RAB3C: variants seen among roughly 807,000 people sequenced by gnomAD.
The protein encoded by RAB3C is RAB3C, member RAS oncogene family.
Under a neutral mutation model 26.4 loss-of-function variants are expected in RAB3C, and 17 were observed. The ratio of observed to expected loss-of-function variants is 0.64; its 90% CI spans 0.44 to 0.97. The LOEUF (loss-of-function observed/expected upper bound fraction) is 0.97. RAB3C is among the 50% of genes least tolerant of loss of function. The probability of loss-of-function intolerance (pLI) is 0.00; values close to 1 mark genes in which losing one functional copy is unlikely to be tolerated. For synonymous variants in RAB3C, 91 were observed against 95.9 expected, an observed-to-expected ratio of 0.95 and a Z score of 0.30; for missense variants, 242 against 281.9, an observed-to-expected ratio of 0.86 and a Z score of 1.01.
chr5:58,822,665 TAACA>T, intron 3 of RAB3C: 1 of 408,932 alleles, frequency 2.4e-6, no homozygotes, highest in South Asian at 2.2e-5. Context: ...ATAGTCTGTG[TAACA>T]AACAGAGATA....
At chr5:58,642,601 T>G (rs1368402880) in intron 2 of RAB3C, among the ~76,000 whole-genome samples, 1 of 152,232 alleles carries the variant, frequency 6.6e-6, no homozygotes, top group East Asian at 1.9e-4. Context: ...AAAGCTGAGT[T>G]GTGACTTGCC....
At chr5:58,748,626 A>G (rs1741451509) in intron 3 of RAB3C, among the ~76,000 whole-genome samples, 1 of 152,104 alleles carries the variant, frequency 6.6e-6, no homozygotes, top group Non-Finnish European at 1.5e-5. Context: ...ATGTATGTAC[A>G]TGCGTATCTC....
intron 3 of RAB3C, among the ~76,000 whole-genome samples, chr5:58,747,348 T>C (rs1436739982): frequency 6.6e-6 from 1 of 152,222 alleles, no homozygotes; most frequent in Non-Finnish European, 1.5e-5. Context: ...AAATTATTTA[T>C]ATTTCATCTA....
At chr5:58,629,345 A>G (rs952515232) in intron 2 of RAB3C, among the ~76,000 whole-genome samples, 1 of 152,178 alleles carries the variant, frequency 6.6e-6, no homozygotes, top group East Asian at 1.9e-4. Context: ...CTGGAGAGCC[A>G]GGCAGGGGCT....
chr5:58,701,222 C>T (rs527481554), intron 2 of RAB3C, among the ~76,000 whole-genome samples: 7 of 152,066 alleles, frequency 4.6e-5, no homozygotes, highest in Admixed American at 1.3e-4. Context: ...AGGATGGTCT[C>T]GATCTCCTGA....
At chr5:58,734,207 G>GT (rs923011875) in intron 3 of RAB3C, among the ~76,000 whole-genome samples, 20 of 151,472 alleles carry the variant, frequency 1.3e-4, no homozygotes, top group Middle Eastern at 3.4e-3. Context: ...CCCTTCTGCA[G>GT]TTTTTTTTTC....
chr5:58,692,169 T>A (rs932961718), intron 2 of RAB3C, among the ~76,000 whole-genome samples: 3 of 152,330 alleles, frequency 2.0e-5, no homozygotes, highest in African/African-American at 7.2e-5. Flanking sequence ...ATATGCAATT[T>A]AAATAGATCT....
intron 3 of RAB3C, among the ~76,000 whole-genome samples, chr5:58,753,208 G>C (rs138260490): frequency 6.6e-6 from 1 of 152,082 alleles, no homozygotes; most frequent in African/African-American, 2.4e-5. Context: ...ATTTTTAAAT[G>C]TGTCGAGGAA....
intron 2 of RAB3C, among the ~76,000 whole-genome samples, chr5:58,710,038 T>C (rs1459144521): frequency 6.6e-6 from 1 of 152,158 alleles, no homozygotes; most frequent in East Asian, 1.9e-4. Context: ...GTCTGAGGCC[T>C]TGGTCTGAGT....
chr5:58,760,617 TTTC>T (rs1394837686), intron 3 of RAB3C, among the ~76,000 whole-genome samples: 3 of 152,230 alleles, frequency 2.0e-5, no homozygotes, highest in African/African-American at 4.8e-5. Flanking sequence ...TAGTCTGTTC[TTTC>T]TTCTTGTCTG....
At chr5:58,616,952 A>G (rs1233018482) in intron 1 of RAB3C, among the ~76,000 whole-genome samples, 3 of 152,148 alleles carry the variant, frequency 2.0e-5, no homozygotes, top group African/African-American at 7.2e-5. Flanking sequence ...ATTAACACCT[A>G]TATGAAGTTG....
At chr5:58,830,680 C>T (rs1743592987) in intron 4 of RAB3C, among the ~76,000 whole-genome samples, 1 of 152,156 alleles carries the variant, frequency 6.6e-6, no homozygotes, top group Admixed American at 6.6e-5. Context: ...GAGAGAAAGG[C>T]ATTGACTACA....
intron 3 of RAB3C, among the ~76,000 whole-genome samples, chr5:58,764,118 C>T (rs746994603): frequency 1.3e-5 from 2 of 152,134 alleles, no homozygotes; most frequent in African/African-American, 2.4e-5. Context: ...TTTTGTGGAA[C>T]TCAACACACG....
At chr5:58,729,844 CAT>C (rs1740972365) in intron 3 of RAB3C, among the ~76,000 whole-genome samples, 1 of 144,718 alleles carries the variant, frequency 6.9e-6, no homozygotes, top group South Asian at 2.1e-4. Flanking sequence ...TATATATACA[CAT>C]ATACATATAC....
chr5:58,672,333 C>CT (rs1748136687), intron 2 of RAB3C, among the ~76,000 whole-genome samples: 1 of 152,190 alleles, frequency 6.6e-6, no homozygotes, highest in East Asian at 1.9e-4. Context: ...CCTTTAGACT[C>CT]TAAGCTCTTC....
intron 3 of RAB3C, among the ~76,000 whole-genome samples, chr5:58,794,097 G>A (rs1301981714): frequency 1.3e-5 from 2 of 152,078 alleles, no homozygotes; most frequent in African/African-American, 4.8e-5. Flanking sequence ...TATTAAAATG[G>A]AAGGCCTTCT....
intron 3 of RAB3C, among the ~76,000 whole-genome samples, chr5:58,758,150 TAGTC>T (rs1204023902): frequency 6.6e-6 from 1 of 152,118 alleles, no homozygotes; most frequent in Non-Finnish European, 1.5e-5. Flanking sequence ...TTCACTGTGT[TAGTC>T]AGGATGGTCT....
At chr5:58,617,513 A>C in intron 1 of RAB3C, 130 bp from the exon 2 acceptor site, 1 of 808,286 alleles carries the variant, frequency 1.2e-6, no homozygotes. Context: ...GGGAGCACTC[A>C]CCACTCGCCT....
chr5:58,722,790 G>A (rs2111915118), intron 2 of RAB3C, among the ~76,000 whole-genome samples: 1 of 151,822 alleles, frequency 6.6e-6, no homozygotes, highest in Non-Finnish European at 1.5e-5. Context: ...TGCCTAATTT[G>A]TATATTTGTC....
Sources: allele counts gnomAD v4.1 joint callset (sites outside exome capture counted in the v4.1 genomes callset), GRCh38; gene constraint gnomAD v4.1.1; transcripts MANE v1.5; gene names NCBI Gene and HGNC (gene_info 2026-07-23, HGNC 2026-07-21).